Variants in ARL8B observed in about 807,000 individuals in gnomAD.
The protein encoded by ARL8B is ARF like GTPase 8B.
Under a neutral mutation model 30.6 loss-of-function variants are expected in ARL8B, and 9 were observed. That is an observed-to-expected ratio of 0.29 (90% CI 0.18 to 0.51). ARL8B has a LOEUF of 0.51. Ranked by LOEUF, ARL8B falls within the 20% of genes least tolerant of loss-of-function variation. The pLI, the probability that ARL8B is intolerant of heterozygous loss-of-function variation, is 0.97. For missense variants in ARL8B, 130 were observed against 227.2 expected (o/e 0.57, Z 2.75); for synonymous variants, 74 against 76.0 (o/e 0.97, Z 0.14).
chr3:5,173,742 CAAAA>C (rs202217427), intron 4 of ARL8B, among the ~76,000 whole-genome samples: 26 of 150,066 alleles, frequency 1.7e-4, no homozygotes, highest in South Asian at 6.3e-4. Context: ...AACAAACAAA[CAAAA>C]AGAATAGCAG....
intron 1 of ARL8B, among the ~76,000 whole-genome samples, chr3:5,135,776 A>ATTG (rs975906568): frequency 7.6e-6 from 1 of 131,284 alleles, no homozygotes; most frequent in Non-Finnish European, 1.6e-5. Context: ...TATTATTATT[A>ATTG]TTATTATTAT....
At chr3:5,167,046 A>T (rs544308142) in intron 1 of ARL8B, among the ~76,000 whole-genome samples, 2 of 152,364 alleles carry the variant, frequency 1.3e-5, no homozygotes, top group Admixed American at 1.3e-4. Context: ...CCAAGGTCAC[A>T]TGACTTGCAT....
Position 5,130,696 on chromosome 3 carries a change from T to C in ARL8B, c.123+8108T>C, listed in dbSNP as rs1041041823. 1.8e-4 allele frequency among the ~76,000 whole-genome samples: 27 copies of C among 151,998 alleles called. 1 individual carries two copies. In the East Asian group the frequency reaches 2.3e-3, roughly 13 times the overall value. On this transcript the variant is annotated intron_variant, in intron 1 of 6. Transcript: ENST00000256496. ...GATTACAGGCTTGCGCCACTACGCC[T>C]GGCTATTTTTTGTATTTTTAGTAGA...
At chr3:5,148,714 C>G (rs898176085) in intron 1 of ARL8B, among the ~76,000 whole-genome samples, 1 of 152,126 alleles carries the variant, frequency 6.6e-6, no homozygotes, top group African/African-American at 2.4e-5. Flanking sequence ...ACACCCAATC[C>G]TCATCTGAGC....
chr3:5,172,620 A>C, intron 3 of ARL8B, 27 bp from the exon 4 acceptor site: 1 of 1,468,216 alleles, frequency 6.8e-7, no homozygotes. Flanking sequence ...CAGAGAAGGT[A>C]TGTTGAGATC....
Position 5,122,349 on chromosome 3 carries a change from G to T in ARL8B, c.-117G>T. ...CTGCCGCCCGCCGGTGTCCGCCCGT[G>T]TCGCGCCGGGGCACCAAGGAGCCGT... On this transcript the variant is annotated 5_prime_UTR_variant, in exon 1 of 7. Transcript: ENST00000256496. 1 of 1,550,922 alleles carries T rather than the reference G, an allele frequency of 6.4e-7. No homozygotes were observed. The highest frequency in any genetic ancestry group is 1.4e-5 in the African/African-American group (1 of 73,114).
intron 1 of ARL8B, among the ~76,000 whole-genome samples, chr3:5,129,123 G>C (rs944485107): frequency 3.3e-5 from 5 of 152,102 alleles, no homozygotes; most frequent in African/African-American, 1.2e-4. Flanking sequence ...TGGCCAAATT[G>C]CTTTCCAGAA....
At chr3:5,176,432 T>C (rs1002207719) in intron 6 of ARL8B, among the ~76,000 whole-genome samples, 1 of 152,160 alleles carries the variant, frequency 6.6e-6, no homozygotes, top group African/African-American at 2.4e-5. Context: ...GGTTTCATCA[T>C]GTTGGCCATG....
chr3:5,172,219 A>G lies in ARL8B; in HGVS notation c.274A>G (p.Ile92Val), dbSNP rs767052632. The G allele has an allele frequency of 1.2e-6, 2 of 1,611,528 alleles. No homozygotes were observed. Among genetic ancestry groups the G allele is most frequent in the Non-Finnish European group, 1.7e-6 (2 of 1,178,670 alleles). Residue 92 changes from isoleucine to valine, a missense_variant, in exon 3 of 7, where the codon ATT becomes GTT. Physicochemically the swap from Ile to Val is conservative, Grantham distance 29. Transcript: ENST00000256496. ...WERYCRGVNAIVYMIDAADRE... is the reference protein window; with the variant it reads ...WERYCRGVNAVVYMIDAADRE... The stretch of plus-strand genomic sequence containing the variant: ...GCGGTATTGCAGAGGAGTCAATGCT[A>G]TTGTGTAAGTGGTTTTTTTTTGTTT...
intron 1 of ARL8B, chr3:5,157,100 C>T (rs935060225): frequency 6.6e-6 from 1 of 152,182 alleles, no homozygotes; most frequent in Non-Finnish European, 1.5e-5. Flanking sequence ...AGATCCAACC[C>T]ACCTTCTATG....
chr3:5,149,088 A>G (rs2054455882), intron 1 of ARL8B, among the ~76,000 whole-genome samples: 1 of 152,164 alleles, frequency 6.6e-6, no homozygotes, highest in Non-Finnish European at 1.5e-5. Context: ...GGGACTCCGC[A>G]CTTGCTTCAT....
In ARL8B at chr3:5,159,762, G is replaced by GT. The variant is rs541015933; in HGVS notation, c.124-10732dup. 7.4e-4 allele frequency among the ~76,000 whole-genome samples: 112 copies of GT among 150,784 alleles called. No individual in the cohort carries two copies. The South Asian group carries it at 0.014, about 19-fold the overall frequency. ...AGATTTAGAAAGAAACTTTTTTACA[G>GT]TTTTTTTTTATGAACAAGCAGCATT... On this transcript the variant is annotated intron_variant, in intron 1 of 6. Transcript: ENST00000256496.
At chr3:5,159,112 C>G (rs562120060) in intron 1 of ARL8B, among the ~76,000 whole-genome samples, 3 of 151,594 alleles carry the variant, frequency 2.0e-5, no homozygotes, top group Non-Finnish European at 2.9e-5. Context: ...ACCACCACGC[C>G]TGGCTCAAAT....
In ARL8B at chr3:5,178,326, C is replaced by G. The variant is rs145680332; in HGVS notation, c.512-338C>G. ...TTCTGTGTATTATACTTAAAAGCGCCTTGAGGGCAAACAGGGGTTATTCCT... is the reference window on the plus strand; with the variant it reads ...TTCTGTGTATTATACTTAAAAGCGCGTTGAGGGCAAACAGGGGTTATTCCT... On this transcript the variant is annotated intron_variant, in intron 6 of 6. Transcript: ENST00000256496. Among the ~76,000 whole-genome samples, 653 of 149,336 alleles carry G rather than the reference C, an allele frequency of 4.4e-3. 6 individuals carry two copies. Among genetic ancestry groups the G allele is most frequent in the African/African-American group, 0.015 (589 of 40,482 alleles).
At chr3:5,169,192 C>A (rs1275625296) in intron 1 of ARL8B, among the ~76,000 whole-genome samples, 2 of 152,054 alleles carry the variant, frequency 1.3e-5, no homozygotes, top group Admixed American at 6.6e-5. Context: ...CTGTCCACTT[C>A]TAGAAATTTG....
intron 1 of ARL8B, among the ~76,000 whole-genome samples, chr3:5,126,749 AGTCTT>A (rs1202402803): frequency 1.3e-5 from 2 of 152,130 alleles, no homozygotes; most frequent in African/African-American, 4.8e-5. Context: ...GAAACACCCT[AGTCTT>A]GTCTTTTCTG....
rs1373170494 is a variant in ARL8B at position 5,122,710 on chromosome 3, AGCTGG to A, written c.123+125_123+129del. 37 of 1,155,116 alleles carry A rather than the reference AGCTGG, an allele frequency of 3.2e-5. 1 individual carries two copies. The African/African-American group carries it at 5.5e-4, about 17-fold the overall frequency. 71.6% of individuals were successfully genotyped at this position (1,155,116 alleles called of 1,614,324 possible). On this transcript the variant is annotated intron_variant, in intron 1 of 6. Coordinates refer to ENST00000256496, the MANE Select transcript of ARL8B (RefSeq NM_018184.3). ...GGGACTGATGGCGGGGGGCGTGCGA[AGCTGG>A]GCCTGTCATCTCCCGAGGGCCAGCA...
chr3:5,122,670 C>T lies in ARL8B; in HGVS notation c.123+82C>T, dbSNP rs894974163. The T allele has an allele frequency of 1.6e-5, 23 of 1,469,498 alleles. 1 individual carries two copies. The Middle Eastern group carries it at 5.9e-4, about 38-fold the overall frequency. 91.0% of individuals were successfully genotyped at this position (1,469,498 alleles called of 1,614,324 possible). ...GCTTCTCCAAGGCCTGAGTTGGGGC[C>T]CCCCTCGGCGCGATGGGACTGATGG... is the stretch of plus-strand genomic sequence containing the variant. On this transcript the variant is annotated intron_variant, in intron 1 of 6. Transcript: ENST00000256496.
At chr3:5,171,897 A>G (rs1420945968) in intron 2 of ARL8B, among the ~76,000 whole-genome samples, 3 of 152,272 alleles carry the variant, frequency 2.0e-5, no homozygotes, top group African/African-American at 7.2e-5. Flanking sequence ...ACTATTGCAC[A>G]TAAACCAAAT....
Sources: gnomAD v4.1 joint callset for allele counts (sites outside exome capture counted in the v4.1 genomes callset) on GRCh38, gnomAD v4.1.1 for gene constraint, MANE v1.5 for transcripts, NCBI Gene and HGNC (gene_info 2026-07-23, HGNC 2026-07-21) for gene names.